The following TDRD12 variants were observed in gnomAD, a reference collection of about 807,000 sequenced individuals.
TDRD12 encodes the protein tudor domain containing 12.
TDRD12 carries 158 observed loss-of-function variants against 133.5 expected under a neutral mutation model. The observed-to-expected ratio is 1.18, with a 90% CI of 1.04 to 1.35. The LOEUF is 1.35. Ranked by LOEUF, TDRD12 falls within the 40% of genes most tolerant of loss-of-function variation. The pLI, the probability that TDRD12 is intolerant of heterozygous loss-of-function variation, is 0.00. For missense variants in TDRD12, 1,443 were observed against 1,321.3 expected (o/e 1.09, Z -1.43); for synonymous variants, 460 against 477.9 (o/e 0.96, Z 0.49).
intron 2 of TDRD12, 36 bp from the exon 3 acceptor site, chr19:32,738,820 T>G: frequency 6.5e-7 from 1 of 1,542,480 alleles, no homozygotes; most frequent in Non-Finnish European, 8.7e-7. Flanking sequence ...CTCAAAAAAA[T>G]AAATAAATAA....
chr19:32,787,688 C>A (rs1970948634), intron 11 of TDRD12, among the ~76,000 whole-genome samples: 1 of 152,162 alleles, frequency 6.6e-6, no homozygotes, highest in Non-Finnish European at 1.5e-5. Context: ...CATCCCAGGT[C>A]GATCTCAGAC....
At chr19:32,827,017 C>A (rs1967614510) in intron 9 of TDRD12, 147 bp from the exon 33 acceptor site, 2 of 430,704 alleles carry the variant, frequency 4.6e-6, no homozygotes, top group South Asian at 2.6e-4. Context: ...ATTTGACCTG[C>A]TCATTTCTTA....
chr19:32,778,697 G>A (rs2145622069), intron 11 of TDRD12, among the ~76,000 whole-genome samples: 1 of 152,168 alleles, frequency 6.6e-6, no homozygotes, highest in Admixed American at 6.5e-5. Flanking sequence ...ATGGGGTTTT[G>A]CCATGTTGGC....
At chr19:32,803,496 A>T (rs1462344075) in intron 21 of TDRD12, among the ~76,000 whole-genome samples, 2 of 152,110 alleles carry the variant, frequency 1.3e-5, no homozygotes, top group African/African-American at 4.8e-5. Flanking sequence ...CAGTGTGTGT[A>T]TCCATTCTCC....
intron 8 of TDRD12, among the ~76,000 whole-genome samples, chr19:32,769,905 G>C (rs1273874088): frequency 6.6e-6 from 1 of 151,990 alleles, no homozygotes; most frequent in African/African-American, 2.4e-5. Flanking sequence ...CAAAGTGTTG[G>C]GATTATAGGC....
intron 3 of TDRD12, among the ~76,000 whole-genome samples, chr19:32,739,998 GCTCTCTGCATCTCCTGGGTA>G (rs1969365472): frequency 2.2e-5 from 2 of 91,838 alleles, no homozygotes; most frequent in Admixed American, 1.1e-4. Context: ...TCTCCTGGGT[GCTCTCTGCATCTCCTGGGTA>G]CTCTCTGCAT....
chr19:32,729,778 C>CTTTTTTTTTTTTTTTTTT (rs1162347194), intron 1 of TDRD12, among the ~76,000 whole-genome samples: 2 of 73,660 alleles, frequency 2.7e-5, no homozygotes, highest in African/African-American at 5.9e-5. Context: ...TTTTCTTTTT[C>CTTTTTTTTTTTTTTTTTT]TTTTTTTTTT....
At chr19:32,807,877 G>T (rs1287057574) in intron 22 of TDRD12, among the ~76,000 whole-genome samples, 1 of 152,090 alleles carries the variant, frequency 6.6e-6, no homozygotes, top group Non-Finnish European at 1.5e-5. Context: ...ACAGTTTAAG[G>T]ATTTTTTTTT....
intron 8 of TDRD12, among the ~76,000 whole-genome samples, chr19:32,766,815 A>G (rs1016510612): frequency 6.6e-5 from 10 of 151,894 alleles, no homozygotes; most frequent in South Asian, 2.1e-4. Flanking sequence ...GGGTTTCACT[A>G]TGTTGGCCAG....
Position 32,803,072 on chromosome 19 carries a change from C to A in TDRD12, c.2482C>A (p.Leu828Met), listed in dbSNP as rs192579479. 4.6e-5 allele frequency: 71 copies of A among 1,535,976 alleles called. No homozygotes were observed. In the African/African-American group the frequency reaches 9.4e-4, roughly 20 times the overall value. The change falls in exon 21 of 28, where the codon CTG (leucine) becomes ATG (methionine). Residue 828 changes from leucine to methionine, a missense_variant. Physicochemically the swap from Leu to Met is conservative, Grantham distance 15. Coordinates refer to ENST00000444215, the Ensembl canonical transcript of TDRD12. ...GCTGTACGAGTTCACCGCAGGAGTTCTGGAAGCCAAAGAAGATAAGAAAGC... is the reference window on the plus strand; with the variant it reads ...GCTGTACGAGTTCACCGCAGGAGTTATGGAAGCCAAAGAAGATAAGAAAGC...
At chr19:32,799,033 C>T (rs1399025765) in intron 16 of TDRD12, among the ~76,000 whole-genome samples, 2 of 152,258 alleles carry the variant, frequency 1.3e-5, no homozygotes, top group African/African-American at 2.4e-5. Context: ...AATTTGTATA[C>T]GTGTGTGGCT....
intron 8 of TDRD12, among the ~76,000 whole-genome samples, chr19:32,763,747 G>T (rs773175594): frequency 3.3e-5 from 5 of 152,180 alleles, no homozygotes; most frequent in Non-Finnish European, 7.3e-5. Flanking sequence ...GGAGGTGTCC[G>T]TGCCGACCCT....
At chr19:32,774,999 C>A (rs1275997294) in intron 10 of TDRD12, among the ~76,000 whole-genome samples, 1 of 151,660 alleles carries the variant, frequency 6.6e-6, no homozygotes, top group African/African-American at 2.4e-5. Context: ...AAAAAAAAAT[C>A]ATAATATACC....
chr19:32,810,843 G>A (rs1966978681), intron 23 of TDRD12, among the ~76,000 whole-genome samples: 1 of 152,076 alleles, frequency 6.6e-6, no homozygotes, highest in African/African-American at 2.4e-5. Flanking sequence ...ATTGAGCTAT[G>A]ATCATGCCAC....
intron 6 of TDRD12, among the ~76,000 whole-genome samples, chr19:32,751,179 C>G (rs1969816074): frequency 6.7e-6 from 1 of 149,442 alleles, no homozygotes; most frequent in Non-Finnish European, 1.5e-5. Flanking sequence ...ATTTAGCTGC[C>G]ACTTATAAGC....
intron 8 of TDRD12, among the ~76,000 whole-genome samples, chr19:32,758,796 G>A (rs1030341310): frequency 6.7e-6 from 1 of 149,230 alleles, no homozygotes; most frequent in Non-Finnish European, 1.5e-5. Flanking sequence ...TTAGCTGGAT[G>A]TGGTTGCACA....
chr19:32,756,267 C>G (rs768466885), intron 7 of TDRD12, 86 bp downstream of exon 7: 19 of 1,157,376 alleles, frequency 1.6e-5, no homozygotes, highest in Non-Finnish European at 2.0e-5. Context: ...CAGACTTTTC[C>G]CCACATGGAG....
intron 22 of TDRD12, among the ~76,000 whole-genome samples, chr19:32,809,306 G>A (rs557571439): frequency 5.4e-4 from 82 of 152,260 alleles, no homozygotes; most frequent in Non-Finnish European, 8.8e-4. Flanking sequence ...TTCCAGGCTC[G>A]CTTGTTGCAC....
chr19:32,762,110 T>C (rs1373804384), intron 8 of TDRD12, among the ~76,000 whole-genome samples: 1 of 152,218 alleles, frequency 6.6e-6, no homozygotes, highest in Non-Finnish European at 1.5e-5. Context: ...ATGTGTCCTT[T>C]GCAAACATTT....
Sources: gnomAD v4.1 joint callset for allele counts (sites outside exome capture counted in the v4.1 genomes callset) on GRCh38, gnomAD v4.1.1 for gene constraint, MANE v1.5 for transcripts, NCBI Gene and HGNC (gene_info 2026-07-23, HGNC 2026-07-21) for gene names.